CLEC4M: variants seen among roughly 807,000 people sequenced by gnomAD.
CLEC4M encodes CD209 antigen-like protein 1.
In CLEC4M, 25 loss-of-function variants were observed where a neutral mutation model predicts 39.1. The ratio of observed to expected loss-of-function variants is 0.64; its 90% CI spans 0.47 to 0.89. CLEC4M has a LOEUF of 0.89. Among genes scored for constraint, CLEC4M ranks in the 40% least tolerant of loss-of-function variants. The pLI, the probability that CLEC4M is intolerant of heterozygous loss-of-function variation, is 0.00. For synonymous variants in CLEC4M, 155 were observed against 177.4 expected, an observed-to-expected ratio of 0.87 and a Z score of 1.00; for missense variants, 353 against 431.4, an observed-to-expected ratio of 0.82 and a Z score of 1.61.
intron 5 of CLEC4M, chr19:7,767,281 G>A (rs2034319576): frequency 1.9e-6 from 1 of 519,528 alleles, no homozygotes; most frequent in East Asian, 3.3e-5. Context: ...TAAACATGCA[G>A]CATTCACAGG....
At chr19:7,768,655 G>GATGC (rs1237264922) in intron 6 of CLEC4M, 183 bp from the exon 7 acceptor site, 1 of 556,074 alleles carries the variant, frequency 1.8e-6, no homozygotes, top group Non-Finnish European at 3.1e-6. Context: ...CCAAGGCTGG[G>GATGC]ATGCAGCAAG....
At chr19:7,767,189 C>T (rs2146359173) in intron 5 of CLEC4M, 1 of 424,252 alleles carries the variant, frequency 2.4e-6, no homozygotes, top group Non-Finnish European at 4.4e-6. Flanking sequence ...ATGTGCTGGA[C>T]CAGCAATTAG....
chr19:7,766,345 A>G (rs547658004), intron 4 of CLEC4M, 138 bp downstream of exon 4: 256 of 1,491,044 alleles, frequency 1.7e-4, no homozygotes, highest in Non-Finnish European at 2.2e-4. Context: ...CGATCATTGC[A>G]CTTGGTGTTC....
intron 5 of CLEC4M, chr19:7,767,299 G>A: frequency 1.8e-6 from 1 of 549,120 alleles, no homozygotes; most frequent in Admixed American, 3.1e-5. Context: ...AGGAGCACAT[G>A]AGGAGAGGCC....
rs575629815 is a variant in CLEC4M, at chr19:7,764,365, C to T, written c.131-820C>T. 9.9e-5 allele frequency among the ~76,000 whole-genome samples: 15 copies of T among 152,216 alleles called. No individual in the cohort carries two copies. In the East Asian group the frequency reaches 2.7e-3, roughly 27 times the overall value. On this transcript the variant is annotated intron_variant, in intron 2 of 6. Coordinates refer to ENST00000327325, the MANE Select transcript of CLEC4M (RefSeq NM_014257.5). ...TATCTGCCTAGTGACCTTGCAGCTG[C>T]ACAGCTAGAGAAACAGGGTCTTCAC...
intron 3 of CLEC4M, 57 bp downstream of exon 3, chr19:7,765,325 C>T (rs748242020): frequency 1.6e-5 from 26 of 1,589,550 alleles, no homozygotes; most frequent in Non-Finnish European, 2.1e-5. Context: ...TGGCTATGAA[C>T]AGAGCCTGGA....
rs1353546223 is a variant in CLEC4M, at chr19:7,765,785, C to T, written c.362C>T (p.Ala121Val). Reference protein sequence around the residue: ...EIYQELTQLKAAVGELPEKSK... With the variant: ...EIYQELTQLKVAVGELPEKSK... ...TACCAGGAGCTGACCCAGCTGAAGG[C>T]TGCAGTGGGTGAGTTGCCAGAGAAA... The change falls in exon 4 of 7, where the codon GCT (alanine) becomes GTT (valine). Residue 121 changes from alanine (A) to valine (V), a missense_variant. Transcript: ENST00000327325. The T allele has an allele frequency of 6.2e-7, 1 of 1,613,054 alleles. No homozygotes were observed. The highest frequency in any genetic ancestry group is 8.5e-7 in the Non-Finnish European group (1 of 1,179,324).
At chr19:7,766,379 A>AC in intron 4 of CLEC4M, 172 bp downstream of exon 4, 1 of 1,468,980 alleles carries the variant, frequency 6.8e-7, no homozygotes, top group Non-Finnish European at 9.0e-7. Flanking sequence ...CACACAGTAG[A>AC]CACTCAGTTC....
At chr19:7,763,681 C>A (rs2034118131) in intron 2 of CLEC4M, among the ~76,000 whole-genome samples, 1 of 150,332 alleles carries the variant, frequency 6.7e-6, no homozygotes, top group Non-Finnish European at 1.5e-5. Context: ...GTTCCTGGGG[C>A]CTGGGGAGGT....
intron 3 of CLEC4M, 51 bp from the exon 4 acceptor site, chr19:7,765,587 T>C (rs112431723): frequency 3.0e-5 from 48 of 1,610,586 alleles, no homozygotes; most frequent in Non-Finnish European, 4.0e-5. Context: ...GTTCAGGGCT[T>C]GGCACACAGT....
chr19:7,766,814 G>A lies in CLEC4M; in HGVS notation c.936+7G>A, dbSNP rs562607. The A allele has an allele frequency of 1.3e-5, 21 of 1,614,036 alleles. No individual in the cohort carries two copies. The highest frequency in any genetic ancestry group is 1.6e-5 in the Non-Finnish European group (19 of 1,180,038). ...CAAAACTGCTGAGGAGCAGGTACAC[G>A]TGGTGGGGGTCCTCGTCCTGGCCTG... On this transcript the variant is annotated splice_region_variant and intron_variant, in intron 5 of 6. Coordinates refer to ENST00000327325, the MANE Select transcript of CLEC4M (RefSeq NM_014257.5).
Position 7,767,555 on chromosome 19 carries a change from T to A in CLEC4M, c.976T>A (p.Ser326Thr), listed in dbSNP as rs200926607. 1 of 1,614,156 alleles carries A rather than the reference T, an allele frequency of 6.2e-7. No homozygotes were observed. The highest frequency in any genetic ancestry group is 1.1e-5 in the South Asian group (1 of 91,078). The change falls in exon 6 of 7, where the codon TCC becomes ACC. Residue 326 changes from serine to threonine, a missense_variant. By Grantham distance (58) the Ser-to-Thr change is moderately conservative. This residue lies in a region of CLEC4M where 196 missense variants were observed against 211.7 expected (regional missense o/e 0.93). Coordinates refer to ENST00000327325, the MANE Select transcript of CLEC4M (RefSeq NM_014257.5). ...QLQTSRSNRF[S>T]WMGLSDLNQE... ...GCAGACTTCCAGGAGTAACCGCTTC[T>A]CCTGGATGGGACTTTCAGACCTAAA...
chr19:7,767,720 C>G, intron 6 of CLEC4M, 92 bp downstream of exon 6: 1 of 1,085,020 alleles, frequency 9.2e-7, no homozygotes, highest in Non-Finnish European at 1.4e-6. Flanking sequence ...CCCCAACCTC[C>G]CTGACCCCAT....
chr19:7,763,991 G>A (rs2034134147), intron 2 of CLEC4M, among the ~76,000 whole-genome samples: 1 of 151,986 alleles, frequency 6.6e-6, no homozygotes. Flanking sequence ...GGGGAGGTGG[G>A]AGCTTGGGCC....
At position 7,765,242 on chromosome 19, in the gene CLEC4M, G is replaced by A. The variant is rs1568528644; in HGVS notation, c.188G>A (p.Gly63Glu). The change falls in exon 3 of 7, where the codon GGG (glycine) becomes GAG (glutamate). Residue 63 changes from glycine to glutamate, a missense_variant. This residue lies in a region of CLEC4M where 91 missense variants were observed against 77.8 expected (regional missense o/e 1.17). Transcript: ENST00000327325. ...CTCCTCTCCTTCATGCTCTTGGCTG[G>A]GGTCCTGGTGGCCATCCTTGTCCAA... ...LQLLSFMLLA[G>E]VLVAILVQVS... The A allele has an allele frequency of 1.2e-6, 2 of 1,614,146 alleles. No individual in the cohort carries two copies. The highest frequency in any genetic ancestry group is 1.1e-5 in the South Asian group (1 of 91,082).
intron 5 of CLEC4M, 156 bp from the exon 6 acceptor site, chr19:7,767,360 G>A: frequency 1.6e-6 from 1 of 607,482 alleles, no homozygotes; most frequent in East Asian, 2.8e-5. Context: ...TGGGGATACA[G>A]ATGTGAGAGG....
rs2034106123 is a variant in CLEC4M, at chr19:7,763,480, G to A, written c.130+4G>A. 1.2e-6 allele frequency: 2 copies of A among 1,613,298 alleles called. No individual in the cohort carries two copies. Among genetic ancestry groups the A allele is most frequent in the South Asian group, 1.1e-5 (1 of 91,050 alleles). ...CATGGCCACAAGAGCTCTACAGGTAGGCAAGAGTTAGGGAGCAGATAGTGG... is the reference window on the plus strand; with the variant it reads ...CATGGCCACAAGAGCTCTACAGGTAAGCAAGAGTTAGGGAGCAGATAGTGG... On this transcript the variant is annotated splice_donor_region_variant and intron_variant, in intron 2 of 6. Transcript: ENST00000327325.
At chr19:7,766,861 G>C in intron 5 of CLEC4M, 54 bp downstream of exon 5, 1 of 1,611,944 alleles carries the variant, frequency 6.2e-7, no homozygotes, top group Non-Finnish European at 8.5e-7. Context: ...CTGGCCAACT[G>C]GGGAGGAGGT....
intron 1 of CLEC4M, 32 bp from the exon 2 acceptor site, chr19:7,763,361 C>T: frequency 6.2e-7 from 1 of 1,612,674 alleles, no homozygotes; most frequent in African/African-American, 1.3e-5. Flanking sequence ...GAAGGGATGG[C>T]CCAGGCTCTG....
Sources: allele counts gnomAD v4.1 joint callset (sites outside exome capture counted in the v4.1 genomes callset), GRCh38; gene constraint gnomAD v4.1.1; regional missense constraint gnomAD v4.1.1; transcripts MANE v1.5; gene names NCBI Gene and HGNC (gene_info 2026-07-23, HGNC 2026-07-21).